Variants in TRMT2B observed in about 807,000 individuals in gnomAD.
TRMT2B encodes tRNA methyltransferase 2B.
A neutral mutation model predicts 39.7 loss-of-function variants in TRMT2B; 34 were observed. The ratio of observed to expected loss-of-function variants is 0.86; its 90% confidence interval spans 0.65 to 1.14. The LOEUF is 1.14. Among genes scored for constraint, TRMT2B ranks in the 50% most tolerant of loss-of-function variants. The pLI is 0.00. For missense variants in TRMT2B, 318 were observed against 377.2 expected, an observed-to-expected ratio of 0.84 and a Z score of 1.30; for synonymous variants, 132 against 137.3, an observed-to-expected ratio of 0.96 and a Z score of 0.27.
intron 7 of TRMT2B, among the ~76,000 whole-genome samples, chrX:101,030,675 T>C (rs2087405989): frequency 9.1e-6 from 1 of 109,429 alleles, no homozygotes; most frequent in South Asian, 3.9e-4. Context: ...CTCAAACTCC[T>C]GACCTTGTGA....
chrX:101,038,371 CA>C (rs57481304), intron 4 of TRMT2B, among the ~76,000 whole-genome samples: 3,834 of 35,209 alleles, frequency 0.11, 247 homozygotes, highest in African/African-American at 0.31. Context: ...AACTCCGTCT[CA>C]AAAAAAAAAA....
chrX:101,023,621 G>T lies in TRMT2B; in HGVS notation c.610-5C>A. ...TCGAAGGAATACTTCATAGTACTAG[G>T]AAGAGAACCGAATTATTACACAAGC... On this transcript the variant is annotated splice_polypyrimidine_tract_variant and splice_region_variant and intron_variant, in intron 7 of 13. Coordinates refer to ENST00000372936, the MANE Select transcript of TRMT2B (RefSeq NM_024917.6). The T allele has an allele frequency of 1.7e-6, 2 of 1,187,673 alleles. No homozygotes were observed. Among genetic ancestry groups the T allele is most frequent in the Non-Finnish European group, 2.3e-6 (2 of 878,000 alleles).
chrX:101,049,127 A>T (rs776153526), intron 2 of TRMT2B, among the ~76,000 whole-genome samples: 23 of 110,995 alleles, frequency 2.1e-4, no homozygotes, highest in Non-Finnish European at 2.4e-4. Context: ...AAATTTTCTG[A>T]CCCTCTACAT....
the TRMT2B span, chrX:100,986,708 C>T: frequency 5.1e-5 from 28 of 552,287 alleles, no homozygotes; most frequent in Non-Finnish European, 6.6e-5. Context: ...ATTTGTTCTC[C>T]TCCTCTTTCC....
chrX:101,035,801 A>G, intron 6 of TRMT2B, 118 bp from the exon 7 acceptor site: 2 of 562,570 alleles, frequency 3.6e-6, no homozygotes, highest in Non-Finnish European at 5.9e-6. Flanking sequence ...AGAAGCAAAT[A>G]CAATCTCATG....
the TRMT2B span, among the ~76,000 whole-genome samples, chrX:100,975,612 C>T: frequency 9.3e-6 from 1 of 107,269 alleles, no homozygotes; most frequent in Non-Finnish European, 1.9e-5. Flanking sequence ...CCTGAGACAA[C>T]ATGTTGCCAT....
At chrX:100,986,042 G>A in the TRMT2B span, 1 of 842,106 alleles carries the variant, frequency 1.2e-6, no homozygotes, top group Admixed American at 3.9e-5. Context: ...GGCTCAGTGA[G>A]GTAGAGCGGC....
At position 101,019,047 on chromosome X, in the gene TRMT2B, G is replaced by A. The variant is rs773145478; in HGVS notation, c.1312C>T (p.Arg438Ter). 8.3e-6 allele frequency: 10 copies of A among 1,200,780 alleles called. No homozygotes were observed. Among genetic ancestry groups the A allele is most frequent in the Non-Finnish European group, 1.1e-5 (10 of 887,037 alleles). The change falls in exon 13 of 14, where the codon CGA becomes TGA. Residue 438 changes from arginine to a stop codon, truncating the protein, a stop_gained. Coordinates refer to ENST00000372936, the MANE Select transcript of TRMT2B (RefSeq NM_024917.6). LOFTEE classifies it high-confidence loss of function. ...GLHYKVIQAI[R>*]NFRAIHTLVF... ...AGCGTGTGGATGGCCCTGAAGTTTC[G>A]AATGGCTTGAATCACCTTGTAATCT... is the stretch of plus-strand genomic sequence containing the variant.
intron 13 of TRMT2B, among the ~76,000 whole-genome samples, chrX:101,012,397 G>C (rs1280312473): frequency 1.9e-5 from 2 of 107,842 alleles, no homozygotes; most frequent in Non-Finnish European, 3.8e-5. Context: ...ATGTATACAT[G>C]TGCCATGCTG....
intron 13 of TRMT2B, among the ~76,000 whole-genome samples, chrX:101,016,639 G>A (rs1429434483): frequency 2.7e-5 from 2 of 73,409 alleles, no homozygotes; most frequent in East Asian, 3.4e-4. Flanking sequence ...GCTAATTTTC[G>A]TGGTTTTTTT....
the TRMT2B span, among the ~76,000 whole-genome samples, chrX:100,975,255 C>G: frequency 1.8e-5 from 2 of 111,628 alleles, no homozygotes; most frequent in Non-Finnish European, 3.8e-5. Flanking sequence ...TGCCATCCCC[C>G]TTTTCTAGTT....
At chrX:100,974,291 C>A in the TRMT2B span, 8 of 621,131 alleles carry the variant, frequency 1.3e-5, no homozygotes, top group Non-Finnish European at 1.8e-5. Context: ...TACTTCATGG[C>A]CCTCAATTTC....
At position 101,037,901 on chromosome X, in the gene TRMT2B, G is replaced by A. The variant is rs2087935754; in HGVS notation, c.438+16C>T. 2 of 1,204,410 alleles carry A rather than the reference G, an allele frequency of 1.7e-6. No homozygotes were observed. Among genetic ancestry groups the A allele is most frequent in the East Asian group, 3.0e-5 (1 of 33,645 alleles). ...AGGGGCCTTAATAGATAAGGAATAG[G>A]GAGGTGGGGGCTTACAGAGGGTATA... On this transcript the variant is annotated intron_variant, in intron 5 of 13. Coordinates refer to ENST00000372936, the MANE Select transcript of TRMT2B (RefSeq NM_024917.6).
chrX:100,981,319 T>C, the TRMT2B span, among the ~76,000 whole-genome samples: 1 of 112,103 alleles, frequency 8.9e-6, no homozygotes, highest in African/African-American at 3.2e-5. Context: ...GGGCAAATTC[T>C]GCCCTATGTA....
intron 2 of TRMT2B, among the ~76,000 whole-genome samples, chrX:101,045,040 A>G (rs1379865566): frequency 2.0e-4 from 18 of 90,739 alleles, no homozygotes; most frequent in South Asian, 6.9e-4. Flanking sequence ...CAAAAAAAAA[A>G]GGGGGGGGTG....
At chrX:101,014,993 A>G (rs2086445450) in intron 13 of TRMT2B, among the ~76,000 whole-genome samples, 1 of 111,596 alleles carries the variant, frequency 9.0e-6, no homozygotes, top group African/African-American at 3.3e-5. Context: ...AGAAAAAAAA[A>G]AAGTTGAATT....
intron 2 of TRMT2B, among the ~76,000 whole-genome samples, chrX:101,048,350 G>A (rs748541748): frequency 1.2e-4 from 13 of 110,272 alleles, no homozygotes; most frequent in African/African-American, 4.0e-4. Flanking sequence ...CAGAGTTCAG[G>A]TGTTAATGAT....
intron 7 of TRMT2B, among the ~76,000 whole-genome samples, chrX:101,033,024 G>T (rs769854894): frequency 9.0e-6 from 1 of 110,675 alleles, no homozygotes; most frequent in African/African-American, 3.3e-5. Flanking sequence ...GGGAGGCCAA[G>T]GTGGACGAAT....
At chrX:100,984,291 GT>G in the TRMT2B span, among the ~76,000 whole-genome samples, 47 of 100,963 alleles carry the variant, frequency 4.7e-4, no homozygotes, top group Non-Finnish European at 6.3e-4. Flanking sequence ...GTTGTTTTTT[GT>G]TTTTTTTTTT....
Sources: allele counts gnomAD v4.1 joint callset (sites outside exome capture counted in the v4.1 genomes callset), GRCh38; gene constraint gnomAD v4.1.1; transcripts MANE v1.5; gene names NCBI Gene and HGNC (gene_info 2026-07-23, HGNC 2026-07-21).